The following STARD3NL variants were observed in gnomAD, a reference collection of about 807,000 sequenced individuals.
STARD3NL encodes STARD3 N-terminal like, also known as STARD3 N-terminal-like protein.
STARD3NL carries 17 observed loss-of-function variants against 30.9 expected under a neutral mutation model. That is an observed-to-expected ratio of 0.55 (90% CI 0.38 to 0.82). STARD3NL has a LOEUF of 0.82. Ranked by LOEUF, STARD3NL falls within the 40% of genes least tolerant of loss-of-function variation. The pLI, the probability that STARD3NL is intolerant of heterozygous loss-of-function variation, is 0.00. For missense variants in STARD3NL, 234 were observed against 277.6 expected, an observed-to-expected ratio of 0.84 and a Z score of 1.12; for synonymous variants, 112 against 100.5, an observed-to-expected ratio of 1.11 and a Z score of -0.69.
chr7:38,214,444 T>C lies in STARD3NL; in HGVS notation c.303+10T>C. The C allele has an allele frequency of 6.4e-7, 1 of 1,552,306 alleles. No individual in the cohort carries two copies. Among genetic ancestry groups the C allele is most frequent in the South Asian group, 1.1e-5 (1 of 88,390 alleles). ...ATATTTTGATATATTTGTAAGTATT[T>C]TTTATGTTTCATTTCAGATGTGATA... On this transcript the variant is annotated intron_variant, in intron 3 of 8. Coordinates refer to ENST00000009041, the MANE Select transcript of STARD3NL (RefSeq NM_032016.4).
At chr7:38,229,540 C>T (rs1383015201) in intron 8 of STARD3NL, among the ~76,000 whole-genome samples, 1 of 152,224 alleles carries the variant, frequency 6.6e-6, no homozygotes, top group Non-Finnish European at 1.5e-5. Context: ...AGCAAATCTG[C>T]CTGACAGTTT....
chr7:38,198,345 C>G (rs967073310), intron 1 of STARD3NL: 11 of 152,180 alleles, frequency 7.2e-5, no homozygotes, highest in Admixed American at 5.9e-4. Context: ...AAGTGGTCAG[C>G]AGCTTGGCTT....
At chr7:38,229,679 C>T (rs893888280) in intron 8 of STARD3NL, among the ~76,000 whole-genome samples, 9 of 152,196 alleles carry the variant, frequency 5.9e-5, no homozygotes, top group African/African-American at 2.4e-5. Context: ...GCCCCCAGCA[C>T]ACCTCAGCCG....
intron 7 of STARD3NL, among the ~76,000 whole-genome samples, chr7:38,220,658 G>T (rs1225460889): frequency 6.6e-6 from 1 of 152,222 alleles, no homozygotes; most frequent in African/African-American, 2.4e-5. Flanking sequence ...CAAAGGAAAT[G>T]AAAGCAGAGA....
intron 2 of STARD3NL, among the ~76,000 whole-genome samples, chr7:38,209,283 C>CT (rs36105312): frequency 7.4e-4 from 109 of 146,758 alleles, no homozygotes; most frequent in African/African-American, 1.0e-3. Context: ...GGAAATGCGT[C>CT]TTTTTTTTTT....
In STARD3NL at chr7:38,225,325, A is replaced by C. The variant is rs183408549; in HGVS notation, c.650-3474A>C. On this transcript the variant is annotated intron_variant, in intron 7 of 8. Transcript: ENST00000009041. ...ATTTCTTCCTAGAGTCTTTTGAAGC[A>C]CAAGTTTTAAATTTTGATTAAGTGT... Among the ~76,000 whole-genome samples the C allele has an allele frequency of 1.4e-4, 22 of 152,284 alleles. No homozygotes were observed. In the East Asian group the frequency reaches 2.5e-3, roughly 17 times the overall value.
chr7:38,193,589 C>T (rs1193129605), intron 1 of STARD3NL, among the ~76,000 whole-genome samples: 2 of 152,290 alleles, frequency 1.3e-5, no homozygotes, highest in South Asian at 2.1e-4. Flanking sequence ...TGAGCCACTG[C>T]GCCCAGCCAG....
intron 1 of STARD3NL, among the ~76,000 whole-genome samples, chr7:38,206,012 T>C (rs2116224135): frequency 6.6e-6 from 1 of 152,334 alleles, no homozygotes; most frequent in East Asian, 1.9e-4. Context: ...CCTTCATAAA[T>C]GCTGTGCCAT....
intron 1 of STARD3NL, among the ~76,000 whole-genome samples, chr7:38,183,702 TCTTAG>T (rs1784337289): frequency 6.6e-6 from 1 of 152,188 alleles, no homozygotes; most frequent in Non-Finnish European, 1.5e-5. Context: ...GATTAAATAT[TCTTAG>T]CTTATTTAAT....
chr7:38,207,826 T>A (rs1785580152), intron 2 of STARD3NL, 97 bp downstream of exon 2: 1 of 1,117,436 alleles, frequency 8.9e-7, no homozygotes, highest in Non-Finnish European at 1.3e-6. Flanking sequence ...CATTTAGTAA[T>A]TTCCATCTTT....
intron 1 of STARD3NL, among the ~76,000 whole-genome samples, chr7:38,180,540 G>C (rs906310840): frequency 6.6e-6 from 1 of 152,280 alleles, no homozygotes; most frequent in East Asian, 1.9e-4. Context: ...GATATGCCAG[G>C]TATGTTACAT....
chr7:38,181,865 A>G (rs973809604), intron 1 of STARD3NL, among the ~76,000 whole-genome samples: 7 of 152,246 alleles, frequency 4.6e-5, no homozygotes, highest in African/African-American at 1.7e-4. Context: ...CAGGCTTTCC[A>G]GCTTCAGTGC....
At chr7:38,225,803 G>T (rs1263296288) in intron 7 of STARD3NL, among the ~76,000 whole-genome samples, 1 of 151,996 alleles carries the variant, frequency 6.6e-6, no homozygotes, top group Non-Finnish European at 1.5e-5. Context: ...CATGAATTTT[G>T]ATATGTTGTG....
At chr7:38,211,489 G>A (rs567232427) in intron 2 of STARD3NL, among the ~76,000 whole-genome samples, 245 of 152,256 alleles carry the variant, frequency 1.6e-3, no homozygotes, top group African/African-American at 5.7e-3. Context: ...AGGGAACAGG[G>A]ACAGAGGCTA....
intron 1 of STARD3NL, among the ~76,000 whole-genome samples, chr7:38,184,390 A>G (rs753040711): frequency 1.3e-4 from 19 of 151,982 alleles, no homozygotes; most frequent in Non-Finnish European, 2.6e-4. Flanking sequence ...ATTGGCTCAC[A>G]GTTCTGCAGG....
At chr7:38,214,244 T>C (rs1785973388) in intron 2 of STARD3NL, 113 bp from the exon 3 acceptor site, 2 of 662,270 alleles carry the variant, frequency 3.0e-6, no homozygotes, top group East Asian at 5.4e-5. Context: ...CTTCGCACTT[T>C]AGCATTTCTG....
chr7:38,183,618 A>C (rs1197617584), intron 1 of STARD3NL, among the ~76,000 whole-genome samples: 1 of 152,216 alleles, frequency 6.6e-6, no homozygotes, highest in East Asian at 1.9e-4. Flanking sequence ...TTGGAAAGAA[A>C]GATTACCAAT....
At chr7:38,221,196 A>G (rs747491381) in intron 7 of STARD3NL, among the ~76,000 whole-genome samples, 3 of 152,176 alleles carry the variant, frequency 2.0e-5, no homozygotes, top group Non-Finnish European at 4.4e-5. Context: ...TTTATGTTAA[A>G]TATATTTTTC....
intron 7 of STARD3NL, among the ~76,000 whole-genome samples, chr7:38,223,791 T>A (rs950578503): frequency 6.6e-6 from 1 of 152,232 alleles, no homozygotes; most frequent in African/African-American, 2.4e-5. Context: ...TTATATTGAC[T>A]TTTTAAAAAA....
Sources: gnomAD v4.1 joint callset for allele counts (sites outside exome capture counted in the v4.1 genomes callset) on GRCh38, gnomAD v4.1.1 for gene constraint, MANE v1.5 for transcripts, NCBI Gene and HGNC (gene_info 2026-07-23, HGNC 2026-07-21) for gene names.